PPM1D: variants seen among roughly 807,000 people sequenced by gnomAD.
PPM1D encodes protein phosphatase 1D.
PPM1D carries 52 observed loss-of-function variants against 58.3 expected under a neutral mutation model. The ratio of observed to expected loss-of-function variants is 0.89; its 90% CI spans 0.71 to 1.12. PPM1D has a LOEUF of 1.12. PPM1D is among the 50% of genes most tolerant of loss of function. The pLI is 0.00. For missense variants in PPM1D, 564 were observed against 777.2 expected (o/e 0.73, Z 3.26); for synonymous variants, 278 against 285.1 (o/e 0.98, Z 0.25).
chr17:60,639,562 C>G (rs1741672409), intron 3 of PPM1D, among the ~76,000 whole-genome samples: 1 of 152,184 alleles, frequency 6.6e-6, no homozygotes, highest in African/African-American at 2.4e-5. Flanking sequence ...CTCCATCTCC[C>G]AAGTAGCTAG....
intron 3 of PPM1D, among the ~76,000 whole-genome samples, chr17:60,647,577 C>T (rs113324825): frequency 7.9e-4 from 120 of 152,162 alleles, no homozygotes; most frequent in African/African-American, 2.5e-3. Flanking sequence ...GGGAAGGACT[C>T]AGTATAGTAT....
At chr17:60,617,144 TG>T (rs1158079123) in intron 1 of PPM1D, among the ~76,000 whole-genome samples, 2 of 151,238 alleles carry the variant, frequency 1.3e-5, no homozygotes, top group Non-Finnish European at 1.5e-5. Context: ...TTTTTTTTTT[TG>T]TAGAGACAGA....
At chr17:60,657,429 G>A (rs1347604878) in intron 5 of PPM1D, among the ~76,000 whole-genome samples, 1 of 152,126 alleles carries the variant, frequency 6.6e-6, no homozygotes, top group Non-Finnish European at 1.5e-5. Context: ...ACTTGGTTGT[G>A]TTTTCATCCT....
In PPM1D at chr17:60,665,757, A is replaced by C. The variant is rs910340594; in HGVS notation, c.*2205A>C. The stretch of plus-strand genomic sequence containing the variant: ...TGGTCAAGCTACCAACCAGGGCTAC[A>C]ATCTTTCGAAGGTGTCATTGGGGCT... On this transcript the variant is annotated 3_prime_UTR_variant, in exon 6 of 6. Transcript: ENST00000305921. The C allele has an allele frequency of 2.6e-5, 4 of 152,194 alleles. No individual in the cohort carries two copies. The highest frequency in any genetic ancestry group is 5.9e-5 in the Non-Finnish European group (4 of 68,036). The allele number at this position is 152,194 out of a possible 1,614,324, so 9.4% of individuals were successfully genotyped here. A position where few individuals can be genotyped will look rare whatever the true frequency, so the allele number is the denominator to read the frequency against.
At chr17:60,621,199 A>G (rs949544285) in intron 1 of PPM1D, among the ~76,000 whole-genome samples, 2 of 152,210 alleles carry the variant, frequency 1.3e-5, no homozygotes, top group East Asian at 3.8e-4. Context: ...CTGGGATTAC[A>G]TGTGTGAGCC....
At chr17:60,628,760 G>A (rs2030862497) in intron 2 of PPM1D, among the ~76,000 whole-genome samples, 1 of 151,436 alleles carries the variant, frequency 6.6e-6, no homozygotes, top group African/African-American at 2.4e-5. Context: ...CTGTATACAT[G>A]TGGTCTTAGT....
intron 4 of PPM1D, among the ~76,000 whole-genome samples, chr17:60,652,726 A>G (rs1267914682): frequency 6.6e-6 from 1 of 151,622 alleles, no homozygotes; most frequent in Middle Eastern, 3.2e-3. Context: ...ATGATACCTC[A>G]TTGTGGTTTT....
chr17:60,637,797 A>G (rs1347925686), intron 3 of PPM1D, among the ~76,000 whole-genome samples: 2 of 152,210 alleles, frequency 1.3e-5, no homozygotes, highest in African/African-American at 2.4e-5. Context: ...AAAAAAATCT[A>G]AAAGAGTTAG....
chr17:60,617,138 T>G (rs1407325116), intron 1 of PPM1D, among the ~76,000 whole-genome samples: 1 of 151,386 alleles, frequency 6.6e-6, no homozygotes, highest in Non-Finnish European at 1.5e-5. Context: ...ATTTTTTTTT[T>G]TTTTTTGTAG....
At chr17:60,658,976 A>G (rs1269984805) in intron 5 of PPM1D, among the ~76,000 whole-genome samples, 2 of 150,992 alleles carry the variant, frequency 1.3e-5, no homozygotes, top group East Asian at 3.8e-4. Context: ...AATAATAATA[A>G]TAATTCTGAT....
intron 1 of PPM1D, among the ~76,000 whole-genome samples, chr17:60,622,607 A>G (rs1567968064): frequency 6.6e-6 from 1 of 152,222 alleles, no homozygotes; most frequent in Non-Finnish European, 1.5e-5. Flanking sequence ...TTAATTATTC[A>G]AAGTATTGAT....
At position 60,647,982 on chromosome 17, in the gene PPM1D, A is replaced by G; in HGVS notation, c.917A>G (p.His306Arg). The G allele has an allele frequency of 6.2e-7, 1 of 1,614,004 alleles. No individual in the cohort carries two copies. Residue 306 changes from histidine (H) to arginine (R), a missense_variant, in exon 4 of 6, where the codon CAC (histidine) becomes CGC (arginine). Around this residue, in one of 7 missense-constraint regions of PPM1D, gnomAD observed 95 missense variants for 232.6 expected, o/e 0.41. Coordinates refer to ENST00000305921, the MANE Select transcript of PPM1D (RefSeq NM_003620.4). ...TSVHTLDPQK[H>R]KYIILGSDGL... ...GTCCACACTCTTGACCCTCAGAAGC[A>G]CAAGTATATTATATTGGGGAGTGAT...
chr17:60,661,522 C>G (rs1392244297), intron 5 of PPM1D, among the ~76,000 whole-genome samples: 2 of 152,064 alleles, frequency 1.3e-5, no homozygotes, highest in South Asian at 4.1e-4. Flanking sequence ...AGCGGCTATT[C>G]TGAGTATATG....
intron 4 of PPM1D, among the ~76,000 whole-genome samples, chr17:60,649,876 G>C (rs954858970): frequency 1.3e-5 from 2 of 152,130 alleles, no homozygotes; most frequent in Non-Finnish European, 2.9e-5. Flanking sequence ...TCTTGATTCA[G>C]TTTTACATGT....
chr17:60,621,791 C>T (rs1279613012), intron 1 of PPM1D, among the ~76,000 whole-genome samples: 1 of 148,066 alleles, frequency 6.8e-6, no homozygotes, highest in African/African-American at 2.5e-5. Flanking sequence ...AGGATGGTCT[C>T]GATCTCCTGA....
intron 2 of PPM1D, among the ~76,000 whole-genome samples, chr17:60,625,846 A>G (rs2030796047): frequency 6.6e-6 from 1 of 152,246 alleles, no homozygotes; most frequent in South Asian, 2.1e-4. Flanking sequence ...CCATACGTTT[A>G]TTTTTATTTT....
At chr17:60,621,507 A>G (rs952689347) in intron 1 of PPM1D, among the ~76,000 whole-genome samples, 1 of 142,398 alleles carries the variant, frequency 7.0e-6, no homozygotes, top group Admixed American at 7.0e-5. Context: ...TGATTCTCCC[A>G]CCTCAGCCTC....
chr17:60,642,835 G>A (rs544211655), intron 3 of PPM1D, among the ~76,000 whole-genome samples: 61 of 152,186 alleles, frequency 4.0e-4, no homozygotes, highest in African/African-American at 1.4e-3. Context: ...GGAAGGCCGA[G>A]GTGGGCGGAT....
At chr17:60,646,276 A>G (rs1240345503) in intron 3 of PPM1D, among the ~76,000 whole-genome samples, 3 of 152,164 alleles carry the variant, frequency 2.0e-5, no homozygotes, top group South Asian at 2.1e-4. Context: ...CTGGTTAGCA[A>G]TGATTTTGCT....
Sources: gnomAD v4.1 joint callset for allele counts (sites outside exome capture counted in the v4.1 genomes callset) on GRCh38, gnomAD v4.1.1 for gene constraint, gnomAD v4.1.1 regional missense constraint, MANE v1.5 for transcripts, NCBI Gene and HGNC (gene_info 2026-07-23, HGNC 2026-07-21) for gene names.